Variants in AGMO observed in about 807,000 individuals in gnomAD.
The protein encoded by AGMO is glyceryl-ether monooxygenase.
In AGMO, 75 loss-of-function variants were observed where a neutral mutation model predicts 60.2. That is an observed-to-expected ratio of 1.25 (90% CI 1.03 to 1.51). AGMO has a LOEUF of 1.51. AGMO is among the 40% of genes most tolerant of loss of function. The pLI, the probability that AGMO is intolerant of heterozygous loss-of-function variation, is 0.00. For synonymous variants in AGMO, 261 were observed against 177.1 expected, an observed-to-expected ratio of 1.47 and a Z score of -3.76; for missense variants, 763 against 525.5, an observed-to-expected ratio of 1.45 and a Z score of -4.42.
intron 12 of AGMO, among the ~76,000 whole-genome samples, chr7:15,244,547 A>G (rs1437848788): frequency 1.3e-5 from 2 of 152,212 alleles, no homozygotes; most frequent in Non-Finnish European, 2.9e-5. Context: ...ATTCTATAGA[A>G]ATAATGGTGT....
chr7:15,259,879 A>G, intron 12 of AGMO, among the ~76,000 whole-genome samples: 1 of 140,510 alleles, frequency 7.1e-6, no homozygotes, highest in African/African-American at 2.8e-5. Context: ...ACAACTACCA[A>G]GCCAGCACTA....
At chr7:15,554,661 G>A (rs968598939) in intron 2 of AGMO, among the ~76,000 whole-genome samples, 1 of 151,968 alleles carries the variant, frequency 6.6e-6, no homozygotes, top group Non-Finnish European at 1.5e-5. Flanking sequence ...TCAATGTTCA[G>A]TTACTACAAA....
intron 12 of AGMO, among the ~76,000 whole-genome samples, chr7:15,356,407 G>C (rs963102487): frequency 1.3e-5 from 2 of 152,078 alleles, no homozygotes; most frequent in South Asian, 2.1e-4. Context: ...AAACATTTTT[G>C]CAGAAATTTT....
intron 12 of AGMO, among the ~76,000 whole-genome samples, chr7:15,272,650 TG>T (rs1253686984): frequency 1.3e-5 from 2 of 152,158 alleles, no homozygotes; most frequent in African/African-American, 4.8e-5. Flanking sequence ...TACCCAGTAA[TG>T]GGATGGCTGG....
At chr7:15,523,305 C>G (rs1784049232) in intron 3 of AGMO, among the ~76,000 whole-genome samples, 1 of 152,142 alleles carries the variant, frequency 6.6e-6, no homozygotes, top group Non-Finnish European at 1.5e-5. Flanking sequence ...CTAGAAGTAC[C>G]ATTTGACCTA....
chr7:15,279,114 C>G (rs1346977655), intron 12 of AGMO, among the ~76,000 whole-genome samples: 1 of 152,194 alleles, frequency 6.6e-6, no homozygotes, highest in Non-Finnish European at 1.5e-5. Flanking sequence ...GTACAGTCTT[C>G]AGGCAGCTCC....
chr7:15,460,469 G>T (rs936687679), intron 3 of AGMO, among the ~76,000 whole-genome samples: 5 of 151,892 alleles, frequency 3.3e-5, no homozygotes, highest in African/African-American at 1.2e-4. Flanking sequence ...AAAAGCCTCA[G>T]AAATGAACAG....
the AGMO span, among the ~76,000 whole-genome samples, chr7:15,168,803 T>C: frequency 3.5e-4 from 54 of 152,326 alleles, no homozygotes; most frequent in African/African-American, 1.1e-3. Flanking sequence ...AGAATGAAGA[T>C]GCTTTCAGTG....
intron 12 of AGMO, among the ~76,000 whole-genome samples, chr7:15,361,480 C>T (rs544030333): frequency 7.9e-4 from 110 of 139,776 alleles, no homozygotes; most frequent in Admixed American, 6.4e-3. Context: ...GCGGAGCTTG[C>T]AGTGAGCCGA....
At chr7:15,217,730 A>G (rs1186374678) in intron 12 of AGMO, among the ~76,000 whole-genome samples, 1 of 145,660 alleles carries the variant, frequency 6.9e-6, no homozygotes, top group Non-Finnish European at 1.5e-5. Flanking sequence ...TTAAAATGAA[A>G]AATACAGTGT....
Position 15,247,490 on chromosome 7 carries a change from G to GGAGAGA in AGMO, c.1264-46137_1264-46132dup, listed in dbSNP as rs1172410783. On this transcript the variant is annotated intron_variant, in intron 12 of 12. Coordinates refer to ENST00000342526, the MANE Select transcript of AGMO (RefSeq NM_001004320.2). Reference sequence around the variant, plus strand: ...GAGAGAGAGAGAGAGGGAGAGAGAGGGAGAGAGAGACAGTATATCCTTTTA... The same window carrying GGAGAGA: ...GAGAGAGAGAGAGAGGGAGAGAGAGGGAGAGAGAGAGAGAGACAGTATATCCTTTTA... Among the ~76,000 whole-genome samples the GGAGAGA allele has an allele frequency of 5.1e-5, 5 of 98,084 alleles. No homozygotes were observed. The East Asian group carries it at 1.5e-3, about 29-fold the overall frequency. The allele number at this position is 98,084 out of a possible 152,430, so 64.3% of individuals were successfully genotyped here. A position where few individuals can be genotyped will look rare whatever the true frequency, so the allele number is the denominator to read the frequency against.
At chr7:15,230,025 AC>A (rs1215573953) in intron 12 of AGMO, among the ~76,000 whole-genome samples, 1 of 151,878 alleles carries the variant, frequency 6.6e-6, no homozygotes, top group Non-Finnish European at 1.5e-5. Flanking sequence ...TATACAATTT[AC>A]ATTAATTTCT....
intron 3 of AGMO, among the ~76,000 whole-genome samples, chr7:15,498,072 A>C (rs1372020401): frequency 1.3e-5 from 2 of 152,078 alleles, no homozygotes; most frequent in Non-Finnish European, 2.9e-5. Context: ...ATTAGATCAC[A>C]GGGATTAAAC....
At chr7:15,454,262 T>C (rs1045252564) in intron 3 of AGMO, among the ~76,000 whole-genome samples, 3 of 152,048 alleles carry the variant, frequency 2.0e-5, no homozygotes, top group Non-Finnish European at 4.4e-5. Flanking sequence ...TAGTTAACAA[T>C]ACTGTCTTGT....
the AGMO span, among the ~76,000 whole-genome samples, chr7:15,129,344 C>T: frequency 1.4e-5 from 2 of 147,518 alleles, no homozygotes; most frequent in African/African-American, 4.9e-5. Flanking sequence ...CATTTTATTT[C>T]TACCATGTAG....
the AGMO span, among the ~76,000 whole-genome samples, chr7:15,119,322 A>G: frequency 6.6e-6 from 1 of 152,006 alleles, no homozygotes; most frequent in South Asian, 2.1e-4. Flanking sequence ...CTTCCTGTAC[A>G]GCCTGCAGAA....
chr7:15,296,527 C>T (rs1784413571), intron 12 of AGMO, among the ~76,000 whole-genome samples: 1 of 152,042 alleles, frequency 6.6e-6, no homozygotes, highest in Non-Finnish European at 1.5e-5. Context: ...AGAAGACAGC[C>T]ACTCTTTTCT....
chr7:15,191,350 C>A, the AGMO span, among the ~76,000 whole-genome samples: 3 of 152,114 alleles, frequency 2.0e-5, no homozygotes, highest in East Asian at 5.8e-4. Context: ...TTTTAGGTTG[C>A]ACATAATCCC....
At chr7:15,544,970 A>T (rs776329371) in intron 2 of AGMO, 47 bp from the exon 3 acceptor site, 1 of 1,321,638 alleles carries the variant, frequency 7.6e-7, no homozygotes, top group Non-Finnish European at 1.0e-6. Context: ...ATTTTAGAAA[A>T]AAAATTACGC....
Sources: gnomAD v4.1 joint callset for allele counts (sites outside exome capture counted in the v4.1 genomes callset) on GRCh38, gnomAD v4.1.1 for gene constraint, MANE v1.5 for transcripts, NCBI Gene and HGNC (gene_info 2026-07-23, HGNC 2026-07-21) for gene names.